ATRNL1: variants seen among roughly 807,000 people sequenced by gnomAD.
ATRNL1 encodes the protein attractin-like protein 1.
In ATRNL1, 95 loss-of-function variants were observed where a neutral mutation model predicts 182.7. The ratio of observed to expected loss-of-function variants is 0.52; its 90% CI spans 0.44 to 0.62. The LOEUF (loss-of-function observed/expected upper bound fraction) is 0.62. Ranked by LOEUF, ATRNL1 falls within the 20% of genes least tolerant of loss-of-function variation. The probability of loss-of-function intolerance (pLI) is 0.00; values close to 1 mark genes in which losing one functional copy is unlikely to be tolerated. For synonymous variants in ATRNL1, 576 were observed against 568.3 expected (o/e 1.01, Z -0.19); for missense variants, 1,471 against 1,679.5 (o/e 0.88, Z 2.17).
chr10:115,607,473 C>T (rs1286092185), intron 26 of ATRNL1, among the ~76,000 whole-genome samples: 1 of 151,736 alleles, frequency 6.6e-6, no homozygotes, highest in Non-Finnish European at 1.5e-5. Flanking sequence ...TTAAAGTTTA[C>T]AACTTTAAAT....
intron 5 of ATRNL1, among the ~76,000 whole-genome samples, chr10:115,150,686 T>G (rs1554880386): frequency 6.6e-6 from 1 of 152,128 alleles, no homozygotes; most frequent in Non-Finnish European, 1.5e-5. Context: ...TTCATTGTGG[T>G]TTCACAAGGC....
At chr10:115,175,642 C>T (rs1847473883) in intron 8 of ATRNL1, among the ~76,000 whole-genome samples, 1 of 151,984 alleles carries the variant, frequency 6.6e-6, no homozygotes, top group African/African-American at 2.4e-5. Flanking sequence ...AAACCATGGG[C>T]AGTTTCACAT....
chr10:115,182,882 T>G (rs1234797135), intron 8 of ATRNL1, among the ~76,000 whole-genome samples: 2 of 151,464 alleles, frequency 1.3e-5, no homozygotes, highest in African/African-American at 4.8e-5. Flanking sequence ...TCAGTCATTA[T>G]TGTCAATACA....
At chr10:115,622,963 A>G (rs1857867972) in intron 26 of ATRNL1, among the ~76,000 whole-genome samples, 1 of 152,180 alleles carries the variant, frequency 6.6e-6, no homozygotes, top group Admixed American at 6.5e-5. Context: ...AAGCAAAGAT[A>G]GAAAATCTTC....
chr10:115,622,411 C>T (rs1172501435), intron 26 of ATRNL1, among the ~76,000 whole-genome samples: 1 of 152,164 alleles, frequency 6.6e-6, no homozygotes, highest in Non-Finnish European at 1.5e-5. Flanking sequence ...GTAGCAAGCT[C>T]AAGTTTGAAA....
chr10:115,730,299 CTT>C, intron 27 of ATRNL1, among the ~76,000 whole-genome samples: 1 of 133,726 alleles, frequency 7.5e-6, no homozygotes, highest in African/African-American at 2.7e-5. Flanking sequence ...GAGAGAGAAA[CTT>C]TGTATGGCAT....
At chr10:115,689,648 T>A (rs1818028115) in intron 26 of ATRNL1, among the ~76,000 whole-genome samples, 1 of 152,158 alleles carries the variant, frequency 6.6e-6, no homozygotes, top group South Asian at 2.1e-4. Context: ...GCTTGGATGC[T>A]GGTAGTGGCA....
intron 14 of ATRNL1, among the ~76,000 whole-genome samples, chr10:115,283,232 G>T (rs1426148252): frequency 1.3e-5 from 2 of 152,040 alleles, no homozygotes; most frequent in African/African-American, 4.8e-5. Flanking sequence ...TGGCCATCAT[G>T]GTGAAACCCC....
intron 5 of ATRNL1, among the ~76,000 whole-genome samples, chr10:115,145,861 C>T (rs1845948824): frequency 6.6e-6 from 1 of 152,096 alleles, no homozygotes; most frequent in Admixed American, 6.6e-5. Flanking sequence ...CATAGTCTTG[C>T]TGGGATGAAA....
intron 25 of ATRNL1, among the ~76,000 whole-genome samples, chr10:115,547,324 C>A (rs1852725491): frequency 6.6e-6 from 1 of 150,968 alleles, no homozygotes; most frequent in Non-Finnish European, 1.5e-5. Flanking sequence ...AAAGAGAATG[C>A]ACTAACTTGT....
In ATRNL1 at chr10:115,695,689, C is replaced by T. The variant is rs1421121835; in HGVS notation, c.3796-31559C>T. Among the ~76,000 whole-genome samples the T allele has an allele frequency of 4.6e-5, 7 of 152,064 alleles. No individual in the cohort carries two copies. In the Middle Eastern group the frequency reaches 0.014, roughly 296 times the overall value. On this transcript the variant is annotated intron_variant, in intron 26 of 28. Coordinates refer to ENST00000355044, the MANE Select transcript of ATRNL1 (RefSeq NM_207303.4). The stretch of plus-strand genomic sequence containing the variant: ...GAATAAAAATAAAGAACATTTACAT[C>T]TTGATGCTTAGGTAATGATAAAGAT...
intron 26 of ATRNL1, among the ~76,000 whole-genome samples, chr10:115,664,527 G>A (rs11197394): frequency 3.3e-5 from 5 of 151,814 alleles, no homozygotes; most frequent in South Asian, 2.1e-4. Flanking sequence ...GTCCTATCAC[G>A]GTGTATAAAT....
chr10:115,656,370 GAGTTTGCACA>G (rs1860330657), intron 26 of ATRNL1, among the ~76,000 whole-genome samples: 1 of 152,144 alleles, frequency 6.6e-6, no homozygotes. Flanking sequence ...TATCTTTATA[GAGTTTGCACA>G]TTCTCCCCAT....
chr10:115,387,473 G>A (rs1858429615), intron 19 of ATRNL1, among the ~76,000 whole-genome samples: 1 of 152,074 alleles, frequency 6.6e-6, no homozygotes. Context: ...TACAATTCAG[G>A]TAACACAAAA....
At chr10:115,762,361 G>C (rs1477202651) in intron 27 of ATRNL1, among the ~76,000 whole-genome samples, 11 of 152,138 alleles carry the variant, frequency 7.2e-5, no homozygotes, top group African/African-American at 2.7e-4. Flanking sequence ...CCTCATCCAT[G>C]ATGGCTAAAA....
At chr10:115,697,341 T>G (rs782715458) in intron 26 of ATRNL1, among the ~76,000 whole-genome samples, 1 of 152,160 alleles carries the variant, frequency 6.6e-6, no homozygotes, top group African/African-American at 2.4e-5. Flanking sequence ...ACAAGCATGT[T>G]TTGTATTTTT....
At position 115,944,763 on chromosome 10, in the gene ATRNL1, A is replaced by G; in HGVS notation, c.4124A>G (p.Gln1375Arg). 1 of 1,613,508 alleles carries G rather than the reference A, an allele frequency of 6.2e-7. No individual in the cohort carries two copies. The highest frequency in any genetic ancestry group is 1.1e-5 in the South Asian group (1 of 90,964). The change falls in exon 29 of 29, where the codon CAA (glutamine) becomes CGA (arginine). Residue 1375 changes from glutamine to arginine, a missense_variant. Around this residue, in one of 3 missense-constraint regions of ATRNL1, gnomAD observed 437 missense variants for 506.0 expected, o/e 0.86. Transcript: ENST00000355044. ...VRNRKHLSTR[Q>R]GTCV ...AATCGAAAACACCTTTCAACACGTC[A>G]AGGAACTTGTGTCTGAGAAATGGAA...
At chr10:115,178,534 A>C (rs1256747233) in intron 8 of ATRNL1, among the ~76,000 whole-genome samples, 1 of 152,166 alleles carries the variant, frequency 6.6e-6, no homozygotes, top group Non-Finnish European at 1.5e-5. Flanking sequence ...AATGAATATG[A>C]CACATGCTAC....
chr10:115,710,597 T>C (rs1947035403), intron 26 of ATRNL1, among the ~76,000 whole-genome samples: 1 of 152,088 alleles, frequency 6.6e-6, no homozygotes, highest in South Asian at 2.1e-4. Context: ...ACAGAGAGAA[T>C]AGTAAGATAA....
Sources: allele counts gnomAD v4.1 joint callset (sites outside exome capture counted in the v4.1 genomes callset), GRCh38; gene constraint gnomAD v4.1.1; regional missense constraint gnomAD v4.1.1; transcripts MANE v1.5; gene names NCBI Gene and HGNC (gene_info 2026-07-23, HGNC 2026-07-21).